The following KDM4C variants were observed in gnomAD, a reference collection of about 807,000 sequenced individuals.
KDM4C encodes the protein lysine demethylase 4C, also known as lysine-specific demethylase 4C.
KDM4C carries 81 observed loss-of-function variants against 129.3 expected under a neutral mutation model. That is an observed-to-expected ratio of 0.63 (90% confidence interval 0.52 to 0.75). KDM4C has a LOEUF of 0.75. KDM4C is among the 30% of genes least tolerant of loss of function. The pLI is 0.00. For missense variants in KDM4C, 1,457 were observed against 1,304.0 expected, an observed-to-expected ratio of 1.12 and a Z score of -1.81; for synonymous variants, 573 against 456.1, an observed-to-expected ratio of 1.26 and a Z score of -3.26.
intron 17 of KDM4C, among the ~76,000 whole-genome samples, chr9:7,092,297 A>G (rs1835900215): frequency 6.6e-6 from 1 of 152,140 alleles, no homozygotes; most frequent in African/African-American, 2.4e-5. Flanking sequence ...TCTTAGTGGG[A>G]GAGCTGGGAC....
intron 19 of KDM4C, among the ~76,000 whole-genome samples, chr9:7,161,092 G>C (rs1335487220): frequency 6.6e-6 from 1 of 152,186 alleles, no homozygotes; most frequent in East Asian, 1.9e-4. Context: ...TCAGACTGCT[G>C]CGCTAGCAGT....
chr9:6,899,542 G>GGGGTGTGT (rs1554633822), intron 8 of KDM4C, among the ~76,000 whole-genome samples: 62 of 150,158 alleles, frequency 4.1e-4, no homozygotes, highest in Admixed American at 6.6e-4. Flanking sequence ...TTTCCATGGG[G>GGGGTGTGT]GTGTGTGTGT....
intron 5 of KDM4C, among the ~76,000 whole-genome samples, chr9:6,855,982 C>T (rs1414877074): frequency 6.6e-6 from 1 of 152,052 alleles, no homozygotes; most frequent in Non-Finnish European, 1.5e-5. Flanking sequence ...TTCAAGTGGT[C>T]CTATTGTGTC....
At chr9:6,891,305 G>A (rs1350673694) in intron 7 of KDM4C, among the ~76,000 whole-genome samples, 1 of 152,322 alleles carries the variant, frequency 6.6e-6, no homozygotes, top group East Asian at 1.9e-4. Context: ...TATATTTTAT[G>A]TAATGGAAGA....
At chr9:6,854,031 AT>A (rs1315230265) in intron 5 of KDM4C, among the ~76,000 whole-genome samples, 4 of 151,614 alleles carry the variant, frequency 2.6e-5, no homozygotes, top group East Asian at 1.9e-4. Context: ...CATGAAAATA[AT>A]TTTTTTTTAG....
intron 1 of KDM4C, among the ~76,000 whole-genome samples, chr9:6,780,027 G>A (rs1188949810): frequency 6.6e-6 from 1 of 152,126 alleles, no homozygotes; most frequent in Non-Finnish European, 1.5e-5. Context: ...GCCTACTATA[G>A]TAGCTCTGAC....
intron 17 of KDM4C, among the ~76,000 whole-genome samples, chr9:7,075,516 T>C (rs898067045): frequency 6.6e-6 from 1 of 152,178 alleles, no homozygotes; most frequent in Non-Finnish European, 1.5e-5. Context: ...AAAAAGAGTC[T>C]GGCTTCCTCG....
At chr9:6,847,685 C>T (rs111476702) in intron 4 of KDM4C, among the ~76,000 whole-genome samples, 325 of 152,108 alleles carry the variant, frequency 2.1e-3, no homozygotes, top group African/African-American at 7.1e-3. Context: ...TCTCCGCGCC[C>T]GGCCGGATCT....
chr9:6,927,176 C>T (rs1822782379), intron 8 of KDM4C, among the ~76,000 whole-genome samples: 1 of 151,884 alleles, frequency 6.6e-6, no homozygotes, highest in Admixed American at 6.6e-5. Flanking sequence ...GTTGCCCTGG[C>T]TGTAGTGCAG....
At chr9:6,977,005 A>C (rs959560185) in intron 8 of KDM4C, among the ~76,000 whole-genome samples, 9 of 152,138 alleles carry the variant, frequency 5.9e-5, no homozygotes, top group South Asian at 2.1e-4. Flanking sequence ...AGACTGGATT[A>C]TGAGATTAAT....
At chr9:6,790,301 C>T (rs914262058) in intron 1 of KDM4C, among the ~76,000 whole-genome samples, 2 of 151,420 alleles carry the variant, frequency 1.3e-5, no homozygotes, top group Non-Finnish European at 2.9e-5. Flanking sequence ...AGTGCAGTGG[C>T]GTGATCTGGG....
chr9:6,997,697 C>G lies in KDM4C; in HGVS notation c.1786+7173C>G, dbSNP rs149417080. ...TGTTTTTTGACTTTGGGTAAGCCCTCTCTCTGGCCTCTTTCCTCCTGTGTA... is the reference window on the plus strand; with the variant it reads ...TGTTTTTTGACTTTGGGTAAGCCCTGTCTCTGGCCTCTTTCCTCCTGTGTA... On this transcript the variant is annotated intron_variant, in intron 12 of 21. Transcript: ENST00000381309. Among the ~76,000 whole-genome samples the G allele has an allele frequency of 4.2e-3, 637 of 152,318 alleles. 7 individuals are homozygous for G. The highest frequency in any genetic ancestry group is 0.015 in the African/African-American group (605 of 41,564).
At chr9:7,030,020 A>C (rs1210702236) in intron 15 of KDM4C, among the ~76,000 whole-genome samples, 1 of 152,224 alleles carries the variant, frequency 6.6e-6, no homozygotes, top group Non-Finnish European at 1.5e-5. Flanking sequence ...AGTAGCCAGT[A>C]TACCTATAAT....
At chr9:7,001,757 T>G (rs901407669) in intron 12 of KDM4C, among the ~76,000 whole-genome samples, 4 of 152,164 alleles carry the variant, frequency 2.6e-5, no homozygotes, top group East Asian at 1.9e-4. Context: ...ATGGGGAGCT[T>G]CTTTTTCATG....
upstream of KDM4C, among the ~76,000 whole-genome samples, chr9:6,752,737 G>A (rs1271481527): frequency 1.3e-5 from 2 of 152,058 alleles, no homozygotes; most frequent in Non-Finnish European, 2.9e-5. Flanking sequence ...CTTCCAAAAA[G>A]TTATATTGTG....
chr9:6,993,984 C>A (rs537119515), intron 12 of KDM4C, among the ~76,000 whole-genome samples: 1 of 152,278 alleles, frequency 6.6e-6, no homozygotes, highest in African/African-American at 2.4e-5. Flanking sequence ...CTTTTTAGCA[C>A]CAGGCACTGG....
chr9:7,041,324 C>T (rs10976003), intron 15 of KDM4C, among the ~76,000 whole-genome samples: 8,456 of 151,954 alleles, frequency 0.056, 381 homozygotes, highest in East Asian at 0.18. Flanking sequence ...GGTTTATATG[C>T]AGATACTAAG....
chr9:6,920,903 T>C (rs888871305), intron 8 of KDM4C, among the ~76,000 whole-genome samples: 2 of 152,192 alleles, frequency 1.3e-5, no homozygotes, highest in Non-Finnish European at 2.9e-5. Flanking sequence ...CAAAATGGCA[T>C]GTTTTGAGGT....
chr9:6,933,134 C>G lies in KDM4C; in HGVS notation c.921+39902C>G, dbSNP rs958222182. On this transcript the variant is annotated intron_variant, in intron 8 of 21. Transcript: ENST00000381309. ...CAGATAATACTATATTTAAATGACA[C>G]AAAATAGACTATAGCATAAATTGAA... Among the ~76,000 whole-genome samples, 7 of 152,232 alleles carry G rather than the reference C, an allele frequency of 4.6e-5. No homozygotes were observed. In the East Asian group the frequency reaches 5.8e-4, roughly 13 times the overall value.
Sources: allele counts gnomAD v4.1 joint callset (sites outside exome capture counted in the v4.1 genomes callset), GRCh38; gene constraint gnomAD v4.1.1; transcripts MANE v1.5; gene names NCBI Gene and HGNC (gene_info 2026-07-23, HGNC 2026-07-21).